SOS2: variants seen among roughly 807,000 people sequenced by gnomAD.
SOS2 encodes the protein son of sevenless homolog 2.
In SOS2, 65 loss-of-function variants were observed where a neutral mutation model predicts 148.2. The ratio of observed to expected loss-of-function variants is 0.44; its 90% CI spans 0.36 to 0.54. The LOEUF (loss-of-function observed/expected upper bound fraction) is 0.54. SOS2 is among the 20% of genes least tolerant of loss of function. The pLI is 0.00. For synonymous variants in SOS2, 539 were observed against 537.1 expected (o/e 1.00, Z -0.05); for missense variants, 1,341 against 1,590.2 (o/e 0.84, Z 2.67).
intron 1 of SOS2, among the ~76,000 whole-genome samples, chr14:50,206,374 T>A (rs962820884): frequency 6.6e-6 from 1 of 152,248 alleles, no homozygotes; most frequent in Non-Finnish European, 1.5e-5. Flanking sequence ...GATACCCAAA[T>A]CCATGGATGC....
chr14:50,145,220 C>G lies in SOS2; in HGVS notation c.2617G>C (p.Val873Leu), dbSNP rs1209710672. 2 of 1,611,686 alleles carry G rather than the reference C, an allele frequency of 1.2e-6. No homozygotes were observed. Among genetic ancestry groups the G allele is most frequent in the Non-Finnish European group, 1.7e-6 (2 of 1,178,180 alleles). ...ACTGACACTGAATTTACTGCACTGA[C>G]TATCTCCAATACGCCATTGAAATTA... ...LNNFNGVLEI[V>L]SAVNSVSVYR... Residue 873 changes from valine (V) to leucine (L), a missense_variant, in exon 16 of 23, where the codon GTC becomes CTC. Physicochemically the swap from Val to Leu is conservative, Grantham distance 32. Transcript: ENST00000216373.
Position 50,120,297 on chromosome 14 carries a change from T to G in SOS2, c.3467A>C (p.Asp1156Ala). 1 of 1,595,022 alleles carries G rather than the reference T, an allele frequency of 6.3e-7. No homozygotes were observed. The highest frequency in any genetic ancestry group is 1.1e-5 in the South Asian group (1 of 90,038). The change falls in exon 22 of 23, where the codon GAT (aspartate) becomes GCT (alanine). Residue 1156 changes from aspartate to alanine, a missense_variant. Transcript: ENST00000216373. Reference protein sequence around the residue: ...PPPLPPRKKFDHDASNSKGNM... With the variant: ...PPPLPPRKKFAHDASNSKGNM... ...TACCTTGGAATTTGAAGCATCATGATCAAACTTTTTTCGAGGAGGAAGAGG... is the reference window on the plus strand; with the variant it reads ...TACCTTGGAATTTGAAGCATCATGAGCAAACTTTTTTCGAGGAGGAAGAGG...
chr14:50,122,934 T>C (rs1213495920), intron 21 of SOS2, among the ~76,000 whole-genome samples: 1 of 152,236 alleles, frequency 6.6e-6, no homozygotes, highest in Non-Finnish European at 1.5e-5. Context: ...TCAGGCACTG[T>C]CTGAAGCACT....
chr14:50,156,849 A>C (rs985652264), intron 12 of SOS2, 150 bp downstream of exon 12: 28 of 399,278 alleles, frequency 7.0e-5, no homozygotes, highest in Middle Eastern at 6.6e-4. Context: ...GTTTAACTTA[A>C]CTGCTGTGAA....
chr14:50,171,610 G>T (rs1885365710), intron 8 of SOS2, among the ~76,000 whole-genome samples: 1 of 148,386 alleles, frequency 6.7e-6, no homozygotes, highest in Admixed American at 6.8e-5. Flanking sequence ...CTTGAACCCA[G>T]GGGGCAGAGG....
intron 19 of SOS2, among the ~76,000 whole-genome samples, chr14:50,131,953 A>G (rs1246708234): frequency 1.3e-5 from 2 of 152,218 alleles, no homozygotes; most frequent in Non-Finnish European, 2.9e-5. Context: ...GGTTCAGCTT[A>G]TACAATTCTG....
chr14:50,200,985 G>A lies in SOS2; in HGVS notation c.313C>T (p.Leu105=). The change falls in exon 3 of 23, where the codon CTG becomes TTG. Residue 105 remains leucine, a synonymous_variant. Transcript: ENST00000216373. Reference sequence around the variant, plus strand: ...GAAGGATGGATTTTGTCCACAGGCAGTAAAAGAGGATTTCTTCGTTTTCGT... The same window carrying A: ...GAAGGATGGATTTTGTCCACAGGCAATAAAAGAGGATTTCTTCGTTTTCGT... The part of the protein sequence containing the change: ...EKRKRRNPLL[L]PVDKIHPSLK... 1 of 1,613,984 alleles carries A rather than the reference G, an allele frequency of 6.2e-7. No homozygotes were observed. The highest frequency in any genetic ancestry group is 8.5e-7 in the Non-Finnish European group (1 of 1,179,940).
chr14:50,205,976 A>G (rs1371321466), intron 1 of SOS2, among the ~76,000 whole-genome samples: 1 of 32,206 alleles, frequency 3.1e-5, no homozygotes, highest in Non-Finnish European at 7.7e-5. Context: ...TATAGGATTT[A>G]TAGTAAAAAT....
intron 12 of SOS2, chr14:50,155,827 A>G (rs191973889): frequency 3.9e-5 from 6 of 152,266 alleles, no homozygotes; most frequent in African/African-American, 1.4e-4. Context: ...TAGCAACCTC[A>G]TAAATGTATG....
chr14:50,224,924 A>G (rs1337416550), intron 1 of SOS2, among the ~76,000 whole-genome samples: 1 of 150,698 alleles, frequency 6.6e-6, no homozygotes, highest in Non-Finnish European at 1.5e-5. Flanking sequence ...ATAGTGTTTG[A>G]GTTTACAAAA....
intron 1 of SOS2, among the ~76,000 whole-genome samples, chr14:50,226,500 A>C (rs1283223764): frequency 1.3e-5 from 2 of 152,200 alleles, no homozygotes; most frequent in Non-Finnish European, 2.9e-5. Context: ...TTTTTAAATC[A>C]AAGCCCCTAC....
At chr14:50,153,282 C>A in intron 12 of SOS2, 109 bp from the exon 13 acceptor site, 1 of 607,330 alleles carries the variant, frequency 1.6e-6, no homozygotes, top group Non-Finnish European at 3.0e-6. Context: ...CAACATAATA[C>A]TCAAAGACTC....
chr14:50,133,242 C>CTTTTTTTTTTTTTTTTTTTTTTTTTT lies in SOS2; in HGVS notation c.3075+880_3075+881insAAAAAAAAAAAAAAAAAAAAAAAAAA, dbSNP rs753590435. Among the ~76,000 whole-genome samples the CTTTTTTTTTTTTTTTTTTTTTTTTTT allele has an allele frequency of 3.8e-5, 3 of 78,814 alleles. 1 individual carries two copies. Among genetic ancestry groups the CTTTTTTTTTTTTTTTTTTTTTTTTTT allele is most frequent in the Non-Finnish European group, 4.7e-5 (2 of 42,196 alleles). The allele number at this position is 78,814 out of a possible 152,430, so 51.7% of individuals were successfully genotyped here. On this transcript the variant is annotated intron_variant, in intron 19 of 22. Coordinates refer to ENST00000216373, the MANE Select transcript of SOS2 (RefSeq NM_006939.4). ...TTTCCATGAACTTTTTTTCTTTTTTCTTTTTTCTTTTTTTTTTTTTTTGAG... is the reference window on the plus strand; with the variant it reads ...TTTCCATGAACTTTTTTTCTTTTTTCTTTTTTTTTTTTTTTTTTTTTTTTTTTTTTTTCTTTTTTTTTTTTTTTGAG...
At chr14:50,231,852 C>G (rs1465002341), upstream of SOS2, among the ~76,000 whole-genome samples, 2 of 152,206 alleles carry the variant, frequency 1.3e-5, no homozygotes, top group African/African-American at 4.8e-5. Flanking sequence ...CGCTGGCCGC[C>G]GTTGCTGCCC....
At chr14:50,150,304 A>C in intron 13 of SOS2, 74 bp from the exon 14 acceptor site, 1 of 1,031,032 alleles carries the variant, frequency 9.7e-7, no homozygotes, top group South Asian at 1.4e-5. Flanking sequence ...TTAATCCTTA[A>C]CTTTCACCCA....
chr14:50,213,241 A>G (rs952699982), intron 1 of SOS2, among the ~76,000 whole-genome samples: 1 of 152,248 alleles, frequency 6.6e-6, no homozygotes, highest in African/African-American at 2.4e-5. Flanking sequence ...CAAACTTGAC[A>G]GAGTATGCAA....
intron 5 of SOS2, among the ~76,000 whole-genome samples, chr14:50,186,541 G>A (rs957154425): frequency 6.6e-6 from 1 of 151,804 alleles, no homozygotes; most frequent in Non-Finnish European, 1.5e-5. Context: ...TAGCACTTTG[G>A]GGGGCTGAGA....
intron 7 of SOS2, among the ~76,000 whole-genome samples, chr14:50,180,125 T>A (rs1004619145): frequency 2.0e-5 from 3 of 151,558 alleles, no homozygotes; most frequent in African/African-American, 7.3e-5. Context: ...TGCCTTAGCC[T>A]CCTGAGTAGC....
chr14:50,199,593 T>C (rs1197882049), intron 4 of SOS2, 98 bp downstream of exon 4: 1 of 664,000 alleles, frequency 1.5e-6, no homozygotes, highest in Non-Finnish European at 2.4e-6. Context: ...TACTAGCAAT[T>C]ATAAAGATTA....
Sources: gnomAD v4.1 joint callset for allele counts (sites outside exome capture counted in the v4.1 genomes callset) on GRCh38, gnomAD v4.1.1 for gene constraint, MANE v1.5 for transcripts, NCBI Gene and HGNC (gene_info 2026-07-23, HGNC 2026-07-21) for gene names.